The following ZMAT5 variants were observed in gnomAD, a reference collection of about 807,000 sequenced individuals.
ZMAT5 encodes the protein zinc finger matrin-type protein 5.
Under a neutral mutation model 28.0 loss-of-function variants are expected in ZMAT5, and 23 were observed. That is an observed-to-expected ratio of 0.82 (90% CI 0.59 to 1.16). The LOEUF is 1.16. Among genes scored for constraint, ZMAT5 ranks in the 50% most tolerant of loss-of-function variants. The pLI is 0.00. For missense variants in ZMAT5, 173 were observed against 212.7 expected (o/e 0.81, Z 1.16); for synonymous variants, 76 against 84.1 (o/e 0.90, Z 0.52).
chr22:29,755,239 G>C (rs1374544150), intron 1 of ZMAT5, among the ~76,000 whole-genome samples: 2 of 151,534 alleles, frequency 1.3e-5, no homozygotes, highest in African/African-American at 2.4e-5. Flanking sequence ...AGGTTGCAGT[G>C]AGCAGAGATT....
chr22:29,744,437 CA>C (rs1370770462), intron 2 of ZMAT5, among the ~76,000 whole-genome samples: 5 of 151,298 alleles, frequency 3.3e-5, no homozygotes, highest in Non-Finnish European at 4.4e-5. Flanking sequence ...GAACTCATGC[CA>C]GGGGGACCAG....
intron 1 of ZMAT5, among the ~76,000 whole-genome samples, chr22:29,749,554 C>T (rs946888411): frequency 7.9e-5 from 12 of 152,214 alleles, no homozygotes; most frequent in Non-Finnish European, 1.6e-4. Context: ...CATCTTTGCT[C>T]CAATGCTACT....
intron 1 of ZMAT5, among the ~76,000 whole-genome samples, chr22:29,748,922 CTG>C (rs1366383625): frequency 2.0e-5 from 3 of 152,212 alleles, no homozygotes; most frequent in Non-Finnish European, 4.4e-5. Flanking sequence ...AGCAATCTTC[CTG>C]TCTCAGCCTC....
rs1345049506 is a variant in ZMAT5, at chr22:29,740,632, G to C, written c.271+18C>G. 1.6e-5 allele frequency: 25 copies of C among 1,585,196 alleles called. No individual in the cohort carries two copies. Among genetic ancestry groups the C allele is most frequent in the Non-Finnish European group, 2.1e-5 (25 of 1,165,550 alleles). ...CAGCACCCCACTCCCGCTTAGCCCA[G>C]GGCATCCCGAGACGTACCCTCCACC... On this transcript the variant is annotated intron_variant, in intron 4 of 5. Coordinates refer to ENST00000344318, the MANE Select transcript of ZMAT5 (RefSeq NM_001003692.2).
intron 1 of ZMAT5, among the ~76,000 whole-genome samples, chr22:29,755,770 C>T (rs920779935): frequency 6.6e-6 from 1 of 152,212 alleles, no homozygotes; most frequent in Non-Finnish European, 1.5e-5. Flanking sequence ...AACCACGTCT[C>T]ATCATCCTGA....
intron 5 of ZMAT5, among the ~76,000 whole-genome samples, chr22:29,732,706 C>G (rs1247734980): frequency 2.8e-5 from 4 of 142,958 alleles, no homozygotes; most frequent in African/African-American, 1.1e-4. Flanking sequence ...CGCCACTGCA[C>G]TCCAGCCTGG....
intron 1 of ZMAT5, among the ~76,000 whole-genome samples, chr22:29,766,070 C>G (rs138495936): frequency 1.4e-4 from 22 of 152,290 alleles, no homozygotes; most frequent in African/African-American, 5.1e-4. Flanking sequence ...GCTCACGCAC[C>G]TTGGGGGGCG....
chr22:29,758,765 C>T (rs1601730166), intron 1 of ZMAT5: 1 of 152,586 alleles, frequency 6.6e-6, no homozygotes, highest in South Asian at 2.1e-4. Flanking sequence ...GGGGGCTAGT[C>T]CAAGTGCAGC....
chr22:29,740,401 T>C (rs1054414321), intron 4 of ZMAT5, among the ~76,000 whole-genome samples: 1 of 151,966 alleles, frequency 6.6e-6, no homozygotes, highest in Non-Finnish European at 1.5e-5. Flanking sequence ...GAGGTGCACC[T>C]TCAGGGCTCC....
intron 1 of ZMAT5, among the ~76,000 whole-genome samples, chr22:29,760,127 G>A (rs1029952626): frequency 1.3e-5 from 2 of 151,700 alleles, no homozygotes; most frequent in African/African-American, 4.8e-5. Context: ...CTTGAACCCG[G>A]GAGGCGGAGG....
intron 1 of ZMAT5, among the ~76,000 whole-genome samples, chr22:29,761,507 G>A (rs1185047287): frequency 4.0e-5 from 6 of 151,506 alleles, no homozygotes; most frequent in African/African-American, 1.2e-4. Context: ...TAGGAGGATC[G>A]CTTGAGCCCA....
In ZMAT5 at chr22:29,748,428, G is replaced by A. The variant is rs1334741943; in HGVS notation, c.117C>T (p.Asp39=). ...GCCAGCGGCACCCACCTCGGAACATGTCGTACCAGACCTTCTTGGCCTTGA... is the reference window on the plus strand; with the variant it reads ...GCCAGCGGCACCCACCTCGGAACATATCGTACCAGACCTTCTTGGCCTTGA... ...QHLKAKKVWY[D]MFRDAAAILL... is the part of the protein sequence containing the mutation. The change falls in exon 2 of 6, where the codon GAC becomes GAT. Residue 39 remains aspartate (D), a synonymous_variant. Transcript: ENST00000344318. 9 of 1,614,130 alleles carry A rather than the reference G, an allele frequency of 5.6e-6. No individual in the cohort carries two copies. In the Admixed American group the frequency reaches 1.5e-4, roughly 27 times the overall value.
intron 1 of ZMAT5, among the ~76,000 whole-genome samples, chr22:29,764,014 T>G (rs1246902958): frequency 6.6e-6 from 1 of 152,044 alleles, no homozygotes; most frequent in Non-Finnish European, 1.5e-5. Context: ...CCCAGCTATT[T>G]GGGAGGTTGA....
In ZMAT5 at chr22:29,731,019, G is replaced by A. The variant is rs1245883295; in HGVS notation, c.*206C>T. ...TCTCCCCCATCTTCTTAAGAAGCAG[G>A]GGGGCAGGTGGAGGAGAGTGAGGGG... On this transcript the variant is annotated 3_prime_UTR_variant, in exon 6 of 6. Transcript: ENST00000344318. The A allele has an allele frequency of 2.2e-6, 1 of 455,750 alleles. No homozygotes were observed. Among genetic ancestry groups the A allele is most frequent in the Non-Finnish European group, 3.8e-6 (1 of 262,992 alleles). 28.2% of individuals were successfully genotyped at this position (455,750 alleles called of 1,614,324 possible).
chr22:29,734,060 G>A (rs1290637351), intron 5 of ZMAT5, among the ~76,000 whole-genome samples: 3 of 152,172 alleles, frequency 2.0e-5, no homozygotes, highest in Admixed American at 6.5e-5. Flanking sequence ...GAGGAGGATG[G>A]GCCAGGATGG....
Position 29,731,158 on chromosome 22 carries a change from G to T in ZMAT5, c.*67C>A. On this transcript the variant is annotated 3_prime_UTR_variant, in exon 6 of 6. Coordinates refer to ENST00000344318, the MANE Select transcript of ZMAT5 (RefSeq NM_001003692.2). ...GCCTCCATGGGGCGTAGCAGGAACC[G>T]GGCTTGGCTTCCTATTGTGACTGAT... The T allele has an allele frequency of 7.0e-7, 1 of 1,425,804 alleles. No homozygotes were observed. The highest frequency in any genetic ancestry group is 1.7e-5 in the South Asian group (1 of 60,420). 88.3% of individuals were successfully genotyped at this position (1,425,804 alleles called of 1,614,324 possible). A position where few individuals can be genotyped will look rare whatever the true frequency, so the allele number is the denominator to read the frequency against.
chr22:29,751,183 G>A (rs2068052773), intron 1 of ZMAT5, among the ~76,000 whole-genome samples: 1 of 152,182 alleles, frequency 6.6e-6, no homozygotes, highest in African/African-American at 2.4e-5. Flanking sequence ...GAAGGGAGGG[G>A]ACAGGGAGGG....
intron 1 of ZMAT5, among the ~76,000 whole-genome samples, chr22:29,757,298 A>G (rs1002210691): frequency 6.6e-5 from 10 of 151,898 alleles, no homozygotes; most frequent in African/African-American, 2.4e-4. Flanking sequence ...TGATGGACAG[A>G]ACAGAGAGGG....
intron 2 of ZMAT5, among the ~76,000 whole-genome samples, chr22:29,745,450 GC>G (rs1451380696): frequency 6.6e-6 from 1 of 152,214 alleles, no homozygotes; most frequent in Admixed American, 6.5e-5. Context: ...AGGCAGAGGG[GC>G]CCTATTTTAT....
Sources: gnomAD v4.1 joint callset for allele counts (sites outside exome capture counted in the v4.1 genomes callset) on GRCh38, gnomAD v4.1.1 for gene constraint, MANE v1.5 for transcripts, NCBI Gene and HGNC (gene_info 2026-07-23, HGNC 2026-07-21) for gene names.